Variants in ITIH1 observed in about 807,000 individuals in gnomAD.
ITIH1 encodes the protein inter-alpha-trypsin inhibitor heavy chain 1.
A neutral mutation model predicts 104.6 loss-of-function variants in ITIH1; 94 were observed. The observed-to-expected ratio is 0.90, with a 90% CI of 0.76 to 1.07. The LOEUF (loss-of-function observed/expected upper bound fraction) is 1.07. Among genes scored for constraint, ITIH1 ranks in the 50% least tolerant of loss-of-function variants. The pLI is 0.00. For missense variants in ITIH1, 1,193 were observed against 1,181.4 expected (o/e 1.01, Z -0.14); for synonymous variants, 455 against 464.4 (o/e 0.98, Z 0.26).
chr3:52,788,934 A>ATT (rs761813702), intron 18 of ITIH1, among the ~76,000 whole-genome samples: 161 of 152,158 alleles, frequency 1.1e-3, no homozygotes, highest in Admixed American at 2.2e-3. Flanking sequence ...TTTTTATTTC[A>ATT]TACTAGGTCC....
rs767984962 is a variant in ITIH1, at chr3:52,791,887, T to C, written c.2712T>C (p.Asp904=). 4.3e-6 allele frequency: 7 copies of C among 1,613,576 alleles called. No homozygotes were observed. In the Middle Eastern group the frequency reaches 4.9e-4, roughly 114 times the overall value. ...GAGLIDGAYT[D]YIVPDIF is the part of the protein sequence containing the mutation. ...GACTCATCGATGGTGCCTACACTGA[T>C]TATATCGTCCCCGACATCTTCTGAG... is the stretch of plus-strand genomic sequence containing the variant. Residue 904 remains aspartate (D), a synonymous_variant, in exon 22 of 22, where the codon GAT becomes GAC. Transcript: ENST00000273283.
intron 6 of ITIH1, among the ~76,000 whole-genome samples, chr3:52,781,699 G>T (rs1699063259): frequency 6.6e-6 from 1 of 152,130 alleles, no homozygotes; most frequent in Non-Finnish European, 1.5e-5. Context: ...CCAAAGTGAT[G>T]ATGTTCATTG....
chr3:52,789,644 C>T lies in ITIH1; in HGVS notation c.2120-9C>T, dbSNP rs373608759. 99 of 1,613,734 alleles carry T rather than the reference C, an allele frequency of 6.1e-5. No homozygotes were observed. The highest frequency in any genetic ancestry group is 8.1e-5 in the Non-Finnish European group (96 of 1,179,848). On this transcript the variant is annotated splice_polypyrimidine_tract_variant and intron_variant, in intron 18 of 21. Transcript: ENST00000273283. Reference sequence around the variant, plus strand: ...TTCCCAACCCGGATGCCCTCTTGCTCCATTGCAGGCTTCTCAGTGAATGGA... The same window carrying T: ...TTCCCAACCCGGATGCCCTCTTGCTTCATTGCAGGCTTCTCAGTGAATGGA...
At chr3:52,783,607 G>A (rs1270263514) in intron 10 of ITIH1, among the ~76,000 whole-genome samples, 1 of 152,186 alleles carries the variant, frequency 6.6e-6, no homozygotes, top group Non-Finnish European at 1.5e-5. Flanking sequence ...AAGATTCCAT[G>A]CTTCTGTTCA....
intron 10 of ITIH1, among the ~76,000 whole-genome samples, chr3:52,783,957 G>A (rs1699132230): frequency 6.6e-6 from 1 of 152,130 alleles, no homozygotes; most frequent in African/African-American, 2.4e-5. Context: ...GGCAGGGCCT[G>A]CCCGGGAACT....
chr3:52,779,817 C>A lies in ITIH1; in HGVS notation c.573+223C>A. 1 of 1,168,194 alleles carries A rather than the reference C, an allele frequency of 8.6e-7. No individual in the cohort carries two copies. The highest frequency in any genetic ancestry group is 1.2e-6 in the Non-Finnish European group (1 of 858,628). 72.4% of individuals were successfully genotyped at this position (1,168,194 alleles called of 1,614,324 possible). A position where few individuals can be genotyped will look rare whatever the true frequency, so the allele number is the denominator to read the frequency against. Reference sequence around the variant, plus strand: ...AGCTTCGGTTTGCTCATCTGCTAGACGGGGGGTTTCTGTGAGTCCCAGGAC... The same window carrying A: ...AGCTTCGGTTTGCTCATCTGCTAGAAGGGGGGTTTCTGTGAGTCCCAGGAC... On this transcript the variant is annotated intron_variant, in intron 5 of 21. Transcript: ENST00000273283. This position sits in a 1 kb window ranked among gnomAD's most constrained non-coding sequence, Gnocchi z 4.4.
Position 52,779,406 on chromosome 3 carries a change from G to A in ITIH1, c.411-26G>A, listed in dbSNP as rs1378435653. On this transcript the variant is annotated intron_variant, in intron 4 of 21. Transcript: ENST00000273283. This position sits in a 1 kb window ranked among gnomAD's most constrained non-coding sequence, Gnocchi z 4.4. ...AATGTCATTTACCCTCTGTCTGTCTGCTGTTGCCTCTGGTGGCACATCCAG... is the reference window on the plus strand; with the variant it reads ...AATGTCATTTACCCTCTGTCTGTCTACTGTTGCCTCTGGTGGCACATCCAG... 2.5e-6 allele frequency: 4 copies of A among 1,613,548 alleles called. No individual in the cohort carries two copies. In the South Asian group the frequency reaches 3.3e-5, roughly 13 times the overall value.
At position 52,791,857 on chromosome 3, in the gene ITIH1, G is replaced by A; in HGVS notation, c.2682G>A (p.Gly894=). ...CCTGCTGGTTCATTCACAACAATGG[G>A]GCTGGACTCATCGATGGTGCCTACA... ...EVSCWFIHNN[G]AGLIDGAYTD... is the part of the protein sequence containing the mutation. Residue 894 remains glycine, a synonymous_variant, in exon 22 of 22, where the codon GGG becomes GGA. Transcript: ENST00000273283. The A allele has an allele frequency of 6.2e-7, 1 of 1,614,186 alleles. No individual in the cohort carries two copies. Among genetic ancestry groups the A allele is most frequent in the Non-Finnish European group, 8.5e-7 (1 of 1,180,034 alleles).
intron 12 of ITIH1, among the ~76,000 whole-genome samples, 165 bp from the exon 13 acceptor site, chr3:52,786,130 G>A (rs545798791): frequency 2.8e-4 from 42 of 152,288 alleles, no homozygotes; most frequent in African/African-American, 9.9e-4. Flanking sequence ...GAGGGTGCTT[G>A]GCAAGAATCA....
Position 52,785,167 on chromosome 3 carries a change from G to A in ITIH1, c.1531G>A (p.Val511Met). ...GTACTACGAAGGCTCAGAGATTGTG[G>A]TGGCCGGGCGCATTGCTGACAACAA... The part of the protein sequence containing the change: ...KQYYEGSEIV[V>M]AGRIADNKQS... Residue 511 changes from valine (V) to methionine (M), a missense_variant, in exon 12 of 22, where the codon GTG becomes ATG. By Grantham distance (21) the Val-to-Met change is conservative. Coordinates refer to ENST00000273283, the MANE Select transcript of ITIH1 (RefSeq NM_002215.4). 6.2e-7 allele frequency: 1 copy of A among 1,614,156 alleles called. No homozygotes were observed. Among genetic ancestry groups the A allele is most frequent in the Non-Finnish European group, 8.5e-7 (1 of 1,180,022 alleles).
chr3:52,784,433 GC>G lies in ITIH1; in HGVS notation c.1366del (p.Gln456ArgfsTer20). 1 of 1,614,148 alleles carries G rather than the reference GC, an allele frequency of 6.2e-7. No homozygotes were observed. On this transcript the variant is annotated frameshift_variant, in exon 11 of 22. Coordinates refer to ENST00000273283, the MANE Select transcript of ITIH1 (RefSeq NM_002215.4). LOFTEE classifies it high-confidence loss of function. ...EVMSMENNGR[A>X]QRIYEDHDAT... ...CATGTCCATGGAGAACAACGGACGGGCCCAGAGAATCTACGAGGACCATGAT... is the reference window on the plus strand; with the variant it reads ...CATGTCCATGGAGAACAACGGACGGGCCAGAGAATCTACGAGGACCATGAT...
At position 52,786,264 on chromosome 3, in the gene ITIH1, G is replaced by A. The variant is rs376152458; in HGVS notation, c.1594-31G>A. 51 of 1,557,492 alleles carry A rather than the reference G, an allele frequency of 3.3e-5. No homozygotes were observed. In the African/African-American group the frequency reaches 6.5e-4, roughly 20 times the overall value. ...AGCCAGGGGCCGTGCTTATCATGGT[G>A]CACCACCCCTCTCTGTACCTCAACT... On this transcript the variant is annotated intron_variant, in intron 12 of 21. Coordinates refer to ENST00000273283, the MANE Select transcript of ITIH1 (RefSeq NM_002215.4).
intron 12 of ITIH1, among the ~76,000 whole-genome samples, chr3:52,785,863 A>G (rs1699183282): frequency 6.6e-6 from 1 of 152,222 alleles, no homozygotes. Flanking sequence ...TCCATATAAT[A>G]CCCTTAGGCA....
At position 52,777,852 on chromosome 3, in the gene ITIH1, G is replaced by A. The variant is rs567343842; in HGVS notation, c.117+120G>A. 2.1e-5 allele frequency: 28 copies of A among 1,349,458 alleles called. No homozygotes were observed. The East Asian group carries it at 4.8e-4, about 23-fold the overall frequency. 83.6% of individuals were successfully genotyped at this position (1,349,458 alleles called of 1,614,324 possible). ...CCCCCACCACCTCCACCACTTCTGA[G>A]TGGAGAGGTGACCTCCCAGCACCAC... On this transcript the variant is annotated intron_variant, in intron 1 of 21. Transcript: ENST00000273283.
chr3:52,783,024 T>C lies in ITIH1; in HGVS notation c.998T>C (p.Phe333Ser), dbSNP rs763022077. 5.0e-6 allele frequency: 8 copies of C among 1,614,112 alleles called. No individual in the cohort carries two copies. Among genetic ancestry groups the C allele is most frequent in the East Asian group, 2.2e-5 (1 of 44,876 alleles). ...GGGGACTACTTTGACCTGGTTCTTT[T>C]TGGGACTCGAGTACAATCGTGGAAG... Reference protein sequence around the residue: ...QPGDYFDLVLFGTRVQSWKGS... With the variant: ...QPGDYFDLVLSGTRVQSWKGS... The change falls in exon 9 of 22, where the codon TTT (phenylalanine) becomes TCT (serine). Residue 333 changes from phenylalanine to serine, a missense_variant. By Grantham distance (155) the Phe-to-Ser change is radical (BLOSUM62 -2). Transcript: ENST00000273283.
intron 6 of ITIH1, among the ~76,000 whole-genome samples, chr3:52,781,202 TTTTTTTTTCTTCTTCTTCTTC>T (rs1699026976): frequency 1.9e-5 from 1 of 52,970 alleles, no homozygotes; most frequent in African/African-American, 8.8e-5. Flanking sequence ...CTCTTCTTTT[TTTTTTTTTCTTCTTCTTCTTC>T]TTCTTCTTCT....
chr3:52,778,559 C>G, intron 3 of ITIH1, 53 bp downstream of exon 3: 1 of 1,606,422 alleles, frequency 6.2e-7, no homozygotes, highest in South Asian at 1.1e-5. Context: ...GCTTACTAGT[C>G]CCAGCTTAAG....
In ITIH1 at chr3:52,782,136, TCTC is replaced by T. The variant is rs771037689; in HGVS notation, c.814-11_814-9del. ...GTGCTGTGAGAGTGGCCTCACTCGT[TCTC>T]CTCTATTTCAGGTGGCCAATAACCA... On this transcript the variant is annotated splice_polypyrimidine_tract_variant and intron_variant, in intron 7 of 21. Coordinates refer to ENST00000273283, the MANE Select transcript of ITIH1 (RefSeq NM_002215.4). The T allele has an allele frequency of 1.9e-6, 3 of 1,613,998 alleles. No homozygotes were observed. Among genetic ancestry groups the T allele is most frequent in the Non-Finnish European group, 2.5e-6 (3 of 1,179,990 alleles).
In ITIH1 at chr3:52,787,993, G is replaced by C; in HGVS notation, c.1932G>C (p.Val644=). 1 of 1,613,852 alleles carries C rather than the reference G, an allele frequency of 6.2e-7. No individual in the cohort carries two copies. Residue 644 remains valine (V), a synonymous_variant, in exon 17 of 22, where the codon GTG becomes GTC. Transcript: ENST00000273283. ...LEMLGPRRTF[V]LSALQPSPTH... is the part of the protein sequence containing the mutation. ...CACTCCCCCTCCCATCAGCGTTCGT[G>C]CTGTCAGCCTTGCAGCCTTCTCCTA...
Sources: gnomAD v4.1 joint callset for allele counts (sites outside exome capture counted in the v4.1 genomes callset) on GRCh38, gnomAD v4.1.1 for gene constraint, Gnocchi (gnomAD v3.1) non-coding constraint, MANE v1.5 for transcripts, NCBI Gene and HGNC (gene_info 2026-07-23, HGNC 2026-07-21) for gene names.